Variants in CPNE5 observed in about 807,000 individuals in gnomAD.
CPNE5 encodes copine-5.
CPNE5 carries 42 observed loss-of-function variants against 81.1 expected under a neutral mutation model. The observed-to-expected ratio is 0.52, with a 90% confidence interval of 0.40 to 0.67. CPNE5 has a LOEUF of 0.67. Among genes scored for constraint, CPNE5 ranks in the 30% least tolerant of loss-of-function variants. The pLI is 0.00. For synonymous variants in CPNE5, 313 were observed against 321.5 expected, an observed-to-expected ratio of 0.97 and a Z score of 0.28; for missense variants, 612 against 815.5, an observed-to-expected ratio of 0.75 and a Z score of 3.04.
At position 36,839,223 on chromosome 6, in the gene CPNE5, G is replaced by T. The variant is rs1773816677; in HGVS notation, c.95+60C>A. On this transcript the variant is annotated intron_variant, in intron 1 of 20. Transcript: ENST00000244751. This position sits in a 1 kb window ranked among gnomAD's most constrained non-coding sequence, Gnocchi z 7.3. ...CGGAGGTTTAGGATCGAAGCGGCAG[G>T]GGCCGCGGGGCTCTGCGTCCAGGGC... 7 of 1,286,364 alleles carry T rather than the reference G, an allele frequency of 5.4e-6. No homozygotes were observed. The highest frequency in any genetic ancestry group is 7.5e-6 in the Non-Finnish European group (7 of 938,134). 79.7% of individuals were successfully genotyped at this position (1,286,364 alleles called of 1,614,324 possible). A position where few individuals can be genotyped will look rare whatever the true frequency, so the allele number is the denominator to read the frequency against.
chr6:36,805,261 A>G (rs919013478), intron 3 of CPNE5, among the ~76,000 whole-genome samples: 1 of 144,324 alleles, frequency 6.9e-6, no homozygotes, highest in African/African-American at 2.9e-5. Flanking sequence ...GCTGTGCAGC[A>G]AATCCTGCTT....
intron 10 of CPNE5, among the ~76,000 whole-genome samples, chr6:36,769,816 G>A (rs967021299): frequency 1.2e-4 from 19 of 152,284 alleles, no homozygotes; most frequent in Admixed American, 3.3e-4. Context: ...CTGATAGGGC[G>A]CCTGGCCCTC....
At position 36,839,411 on chromosome 6, in the gene CPNE5, TCCC is replaced by T; in HGVS notation, c.-37_-35del. 2.7e-6 allele frequency: 4 copies of T among 1,509,190 alleles called. No homozygotes were observed. Among genetic ancestry groups the T allele is most frequent in the Non-Finnish European group, 3.6e-6 (4 of 1,116,996 alleles). 93.5% of individuals were successfully genotyped at this position (1,509,190 alleles called of 1,614,324 possible). ...GCACCCCCCACCCCAAATTAGTCAA[TCCC>T]TGCGCGATTCACGCCTCCTCCGGAG... On this transcript the variant is annotated 5_prime_UTR_variant, in exon 1 of 21. Coordinates refer to ENST00000244751, the MANE Select transcript of CPNE5 (RefSeq NM_020939.2). This position sits in a 1 kb window ranked among gnomAD's most constrained non-coding sequence, Gnocchi z 7.3.
At position 36,778,853 on chromosome 6, in the gene CPNE5, C is replaced by T. The variant is rs1562127645; in HGVS notation, c.632+1G>A. ...TGCACAAGTGTCCCCAGAAAACTCA[C>T]GTTCCATCCTCGTTGCTTCTGTAGA... On this transcript the variant is annotated splice_donor_variant, in intron 9 of 20. Transcript: ENST00000244751. LOFTEE classifies it high-confidence loss of function. 5 of 1,588,610 alleles carry T rather than the reference C, an allele frequency of 3.1e-6. No individual in the cohort carries two copies. The highest frequency in any genetic ancestry group is 4.3e-6 in the Non-Finnish European group (5 of 1,158,024).
rs111598714 is a variant in CPNE5, at chr6:36,753,923, C to G, written c.910-828G>C. ...GAACTCCTCTCTGGTAGTTTGGGAG[C>G]CCCCTATTCATGAAGATTCAGCTGT... On this transcript the variant is annotated intron_variant, in intron 13 of 20. Transcript: ENST00000244751. Among the ~76,000 whole-genome samples, 329 of 152,324 alleles carry G rather than the reference C, an allele frequency of 2.2e-3. 1 individual carries two copies. Among genetic ancestry groups the G allele is most frequent in the African/African-American group, 7.7e-3 (319 of 41,564 alleles).
chr6:36,791,210 G>A (rs1769063179), intron 8 of CPNE5, among the ~76,000 whole-genome samples: 1 of 152,172 alleles, frequency 6.6e-6, no homozygotes. Context: ...TTGGGGCTGA[G>A]CCCGGATCTT....
At chr6:36,785,684 C>T (rs1293248739) in intron 8 of CPNE5, among the ~76,000 whole-genome samples, 1 of 152,096 alleles carries the variant, frequency 6.6e-6, no homozygotes, top group East Asian at 1.9e-4. Flanking sequence ...GCCTGGGCAA[C>T]ATAGTGAGAC....
intron 14 of CPNE5, among the ~76,000 whole-genome samples, chr6:36,750,586 A>G (rs1256015596): frequency 6.6e-6 from 1 of 152,160 alleles, no homozygotes; most frequent in African/African-American, 2.4e-5. Flanking sequence ...ACAGACCTTT[A>G]TTGGTATGAA....
chr6:36,824,379 A>G (rs1470691359), intron 1 of CPNE5, among the ~76,000 whole-genome samples: 1 of 152,110 alleles, frequency 6.6e-6, no homozygotes, highest in Non-Finnish European at 1.5e-5. Flanking sequence ...TCCCACGCTG[A>G]CCAGGTCTTC....
chr6:36,781,246 G>A (rs1007648064), intron 8 of CPNE5, among the ~76,000 whole-genome samples: 1 of 152,082 alleles, frequency 6.6e-6, no homozygotes, highest in Non-Finnish European at 1.5e-5. Context: ...TGGACTGGGG[G>A]CTTCCAAGGC....
chr6:36,754,738 G>A (rs368697941), intron 13 of CPNE5: 7 of 152,266 alleles, frequency 4.6e-5, no homozygotes, highest in East Asian at 1.9e-4. Flanking sequence ...CGTCTCTAAA[G>A]TAAGAAGGCT....
At chr6:36,813,604 T>C (rs1771291709) in intron 3 of CPNE5, among the ~76,000 whole-genome samples, 1 of 152,222 alleles carries the variant, frequency 6.6e-6, no homozygotes, top group African/African-American at 2.4e-5. Flanking sequence ...TTATATGGCC[T>C]CTGAAGCCCT....
chr6:36,794,321 C>G (rs1769370030), intron 7 of CPNE5, among the ~76,000 whole-genome samples: 1 of 152,116 alleles, frequency 6.6e-6, no homozygotes, highest in Non-Finnish European at 1.5e-5. Context: ...CTGTAAGCCC[C>G]ACCCTCTCCC....
rs752335742 is a variant in CPNE5, at chr6:36,748,298, C to CT, written c.972-32dup. ...AGAGGGAGAACAGCAGGGGAGTCAC[C>CT]TGGAGGGAGGCAGGGCTGTGGGAGG... is the stretch of plus-strand genomic sequence containing the variant. On this transcript the variant is annotated intron_variant, in intron 14 of 20. Transcript: ENST00000244751. 13 of 1,609,464 alleles carry CT rather than the reference C, an allele frequency of 8.1e-6. No homozygotes were observed. The African/African-American group carries it at 1.7e-4, about 22-fold the overall frequency.
At chr6:36,790,845 A>C (rs67362112) in intron 8 of CPNE5, among the ~76,000 whole-genome samples, 11,179 of 152,018 alleles carry the variant, frequency 0.074, 536 homozygotes, top group East Asian at 0.17. Context: ...GCCCGGCCCC[A>C]AAAAAAATGC....
At chr6:36,758,843 G>GA (rs1437555696) in intron 12 of CPNE5, among the ~76,000 whole-genome samples, 1 of 152,228 alleles carries the variant, frequency 6.6e-6, no homozygotes, top group African/African-American at 2.4e-5. Flanking sequence ...GCCTGGGCGA[G>GA]ATGGTGAGAG....
At chr6:36,743,936 G>C (rs1193105915) in intron 19 of CPNE5, among the ~76,000 whole-genome samples, 174 bp from the exon 20 acceptor site, 3 of 152,240 alleles carry the variant, frequency 2.0e-5, no homozygotes, top group Non-Finnish European at 4.4e-5. Flanking sequence ...AGCCCGATCA[G>C]GTGAGCCTCT....
intron 1 of CPNE5, among the ~76,000 whole-genome samples, chr6:36,823,417 A>G (rs1482053572): frequency 3.3e-5 from 5 of 152,140 alleles, no homozygotes; most frequent in African/African-American, 1.2e-4. Flanking sequence ...AAACTGCCCA[A>G]TGTCTTAGCC....
In CPNE5 at chr6:36,746,609, T is replaced by C. The variant is rs763171550; in HGVS notation, c.1019-32A>G. 6.3e-7 allele frequency: 1 copy of C among 1,585,388 alleles called. No homozygotes were observed. The highest frequency in any genetic ancestry group is 2.3e-5 in the East Asian group (1 of 43,146). ...CACAGGACATGGGAGCCTTTGACCA[T>C]CTGGACCCTCCAAGTCACCCCGGGT... On this transcript the variant is annotated intron_variant, in intron 15 of 20. Transcript: ENST00000244751. The surrounding 1 kb of genome is among the most constrained non-coding windows in gnomAD (Gnocchi z 4.5).
Sources: gnomAD v4.1 joint callset for allele counts (sites outside exome capture counted in the v4.1 genomes callset) on GRCh38, gnomAD v4.1.1 for gene constraint, Gnocchi (gnomAD v3.1) non-coding constraint, MANE v1.5 for transcripts, NCBI Gene and HGNC (gene_info 2026-07-23, HGNC 2026-07-21) for gene names.